NAALADL2: variants seen among roughly 807,000 people sequenced by gnomAD.
The protein encoded by NAALADL2 is inactive N-acetylated-alpha-linked acidic dipeptidase-like protein 2.
A neutral mutation model predicts 87.2 loss-of-function variants in NAALADL2; 76 were observed. The ratio of observed to expected loss-of-function variants is 0.87; its 90% CI spans 0.72 to 1.05. The LOEUF (loss-of-function observed/expected upper bound fraction) is 1.05, where lower values mean the gene tolerates loss of function less well. Ranked by LOEUF, NAALADL2 falls within the 50% of genes least tolerant of loss-of-function variation. The probability of loss-of-function intolerance (pLI) is 0.00; values close to 1 mark genes in which losing one functional copy is unlikely to be tolerated. For synonymous variants in NAALADL2, 354 were observed against 331.0 expected (o/e 1.07, Z -0.75); for missense variants, 1,089 against 945.8 (o/e 1.15, Z -1.99).
At chr3:174,686,442 A>T (rs1728047406) in intron 2 of NAALADL2, among the ~76,000 whole-genome samples, 1 of 150,204 alleles carries the variant, frequency 6.7e-6, no homozygotes, top group African/African-American at 2.4e-5. Flanking sequence ...TTTGATTTGC[A>T]TTTCTTTGAT....
chr3:175,693,931 GATTC>G (rs1737393077), intron 11 of NAALADL2, among the ~76,000 whole-genome samples: 1 of 152,092 alleles, frequency 6.6e-6, no homozygotes, highest in Admixed American at 6.5e-5. Context: ...TTGACCTAGT[GATTC>G]ATCTGCCTTG....
At chr3:175,725,402 A>C (rs567813179) in intron 11 of NAALADL2, among the ~76,000 whole-genome samples, 1 of 152,144 alleles carries the variant, frequency 6.6e-6, no homozygotes, top group Non-Finnish European at 1.5e-5. Flanking sequence ...GAATTGTTTT[A>C]CTTCATAAAT....
intron 3 of NAALADL2, among the ~76,000 whole-genome samples, chr3:174,743,922 A>T (rs988291975): frequency 7.2e-5 from 11 of 151,922 alleles, no homozygotes; most frequent in Non-Finnish European, 1.3e-4. Context: ...CAGGTAGACA[A>T]ATCACTCCCC....
chr3:175,043,243 C>T (rs1292945690), intron 1 of NAALADL2, among the ~76,000 whole-genome samples: 1 of 151,928 alleles, frequency 6.6e-6, no homozygotes. Context: ...TATATTATTT[C>T]TTTGTATGTT....
At chr3:174,715,803 G>C (rs934491491) in intron 2 of NAALADL2, among the ~76,000 whole-genome samples, 1 of 152,110 alleles carries the variant, frequency 6.6e-6, no homozygotes, top group Non-Finnish European at 1.5e-5. Flanking sequence ...TAGAGGGGTG[G>C]TGTGGGGTGA....
At chr3:175,728,724 TTATGCCTC>T (rs1281044106) in intron 11 of NAALADL2, among the ~76,000 whole-genome samples, 11 of 152,182 alleles carry the variant, frequency 7.2e-5, no homozygotes, top group Non-Finnish European at 1.2e-4. Context: ...ATTTATCAGG[TTATGCCTC>T]TGCTCTGAAA....
At chr3:175,188,271 G>A (rs924488749) in intron 2 of NAALADL2, among the ~76,000 whole-genome samples, 4 of 152,074 alleles carry the variant, frequency 2.6e-5, no homozygotes, top group African/African-American at 9.7e-5. Flanking sequence ...AATACAAATT[G>A]TATTGTGCCT....
intron 9 of NAALADL2, among the ~76,000 whole-genome samples, chr3:175,505,302 A>T (rs1049990350): frequency 1.3e-5 from 2 of 151,838 alleles, no homozygotes; most frequent in Admixed American, 1.3e-4. Context: ...GAAGACAGAG[A>T]TGTCAGATCA....
intron 11 of NAALADL2, among the ~76,000 whole-genome samples, chr3:175,663,133 T>C (rs1732490031): frequency 6.6e-6 from 1 of 151,578 alleles, no homozygotes; most frequent in Non-Finnish European, 1.5e-5. Flanking sequence ...ATACATTAGC[T>C]CCTGGGCTTG....
rs576426952 is a variant in NAALADL2, at chr3:175,699,441, T to C, written c.1897-37865T>C. 7.2e-5 allele frequency among the ~76,000 whole-genome samples: 11 copies of C among 152,134 alleles called. No individual in the cohort carries two copies. The South Asian group carries it at 1.2e-3, about 17-fold the overall frequency. ...CATGAAACATGCACTAGATCTTAAC[T>C]TGATGTTTCTCAAGGAGGAATATAG... On this transcript the variant is annotated intron_variant, in intron 11 of 13. Coordinates refer to ENST00000454872, the MANE Select transcript of NAALADL2 (RefSeq NM_207015.3).
intron 4 of NAALADL2, among the ~76,000 whole-genome samples, chr3:175,310,814 T>A (rs1358621532): frequency 1.3e-5 from 2 of 152,088 alleles, no homozygotes; most frequent in Non-Finnish European, 1.5e-5. Flanking sequence ...AATAGTAAGT[T>A]GGTAAATCAG....
intron 2 of NAALADL2, among the ~76,000 whole-genome samples, chr3:175,152,737 C>G (rs1731725737): frequency 6.6e-6 from 1 of 151,972 alleles, no homozygotes; most frequent in South Asian, 2.1e-4. Flanking sequence ...GAAACCCTGT[C>G]TCTATTAAAA....
At chr3:175,605,919 C>G (rs1343041530) in intron 10 of NAALADL2, among the ~76,000 whole-genome samples, 2 of 152,076 alleles carry the variant, frequency 1.3e-5, no homozygotes, top group Non-Finnish European at 2.9e-5. Flanking sequence ...CCCTGTAGCT[C>G]AGTATCCTTT....
At chr3:174,873,383 T>C (rs1329926822) in intron 1 of NAALADL2, among the ~76,000 whole-genome samples, 3 of 152,004 alleles carry the variant, frequency 2.0e-5, no homozygotes, top group African/African-American at 7.2e-5. Context: ...GCCTCCTGAG[T>C]AGCTGGGACT....
chr3:174,511,238 G>A (rs1719585261), intron 1 of NAALADL2, among the ~76,000 whole-genome samples: 1 of 151,640 alleles, frequency 6.6e-6, no homozygotes, highest in Non-Finnish European at 1.5e-5. Flanking sequence ...TTCTCCACTT[G>A]TTTTATCAAT....
At chr3:174,748,751 A>C (rs1734529687) in intron 3 of NAALADL2, among the ~76,000 whole-genome samples, 1 of 152,158 alleles carries the variant, frequency 6.6e-6, no homozygotes, top group South Asian at 2.1e-4. Flanking sequence ...TTATTGAGAT[A>C]CCTCTTGATA....
intron 4 of NAALADL2, among the ~76,000 whole-genome samples, chr3:175,306,969 C>A (rs1431782557): frequency 2.0e-5 from 3 of 152,192 alleles, no homozygotes; most frequent in Non-Finnish European, 4.4e-5. Context: ...GGTAGGCCCA[C>A]TGTGATCTCA....
At chr3:175,060,256 A>G (rs1713141612) in intron 1 of NAALADL2, among the ~76,000 whole-genome samples, 2 of 152,224 alleles carry the variant, frequency 1.3e-5, no homozygotes, top group South Asian at 4.1e-4. Flanking sequence ...TTGGATTTCA[A>G]TATATTAAAG....
intron 1 of NAALADL2, among the ~76,000 whole-genome samples, chr3:174,939,912 CTA>C (rs922015173): frequency 1.3e-5 from 2 of 152,196 alleles, no homozygotes; most frequent in African/African-American, 2.4e-5. Context: ...TGTCCCAAGA[CTA>C]TGAGGGTTTC....
Sources: gnomAD v4.1 joint callset for allele counts (sites outside exome capture counted in the v4.1 genomes callset) on GRCh38, gnomAD v4.1.1 for gene constraint, MANE v1.5 for transcripts, NCBI Gene and HGNC (gene_info 2026-07-23, HGNC 2026-07-21) for gene names.